The following MPHOSPH9 variants were observed in gnomAD, a reference collection of about 807,000 sequenced individuals.
MPHOSPH9 encodes M-phase phosphoprotein 9.
A neutral mutation model predicts 145.5 loss-of-function variants in MPHOSPH9; 88 were observed. That is an observed-to-expected ratio of 0.60 (90% confidence interval 0.51 to 0.72). MPHOSPH9 has a LOEUF of 0.72. Ranked by LOEUF, MPHOSPH9 falls within the 30% of genes least tolerant of loss-of-function variation. MPHOSPH9 has a pLI of 0.00. For synonymous variants in MPHOSPH9, 435 were observed against 486.2 expected (o/e 0.89, Z 1.39); for missense variants, 1,238 against 1,386.6 (o/e 0.89, Z 1.70).
At chr12:123,197,940 T>C (rs1277511027) in intron 12 of MPHOSPH9, among the ~76,000 whole-genome samples, 8 of 151,082 alleles carry the variant, frequency 5.3e-5, no homozygotes, top group East Asian at 2.0e-4. Flanking sequence ...AAAAATTAGC[T>C]GGGCGTGGTG....
At chr12:123,168,978 G>A (rs2044450514) in intron 16 of MPHOSPH9, among the ~76,000 whole-genome samples, 1 of 150,980 alleles carries the variant, frequency 6.6e-6, no homozygotes, top group African/African-American at 2.4e-5. Flanking sequence ...TCTGCCTCTT[G>A]GGTTCACACC....
intron 18 of MPHOSPH9, among the ~76,000 whole-genome samples, chr12:123,164,776 A>C (rs1413145174): frequency 6.6e-6 from 1 of 152,190 alleles, no homozygotes; most frequent in South Asian, 2.1e-4. Flanking sequence ...GTGGAGGACA[A>C]GGCGGGTGGA....
At chr12:123,215,992 C>T (rs2046938845) in intron 6 of MPHOSPH9, among the ~76,000 whole-genome samples, 1 of 152,134 alleles carries the variant, frequency 6.6e-6, no homozygotes, top group Non-Finnish European at 1.5e-5. Context: ...AATCCCAGCA[C>T]TTTGGGAGGC....
intron 16 of MPHOSPH9, among the ~76,000 whole-genome samples, chr12:123,175,313 G>C (rs1444566193): frequency 6.6e-6 from 1 of 152,054 alleles, no homozygotes; most frequent in Non-Finnish European, 1.5e-5. Context: ...ACCGCGCCCG[G>C]CTAATTTTTT....
chr12:123,182,182 G>A (rs1275444530), intron 13 of MPHOSPH9, among the ~76,000 whole-genome samples: 2 of 149,964 alleles, frequency 1.3e-5, no homozygotes, highest in Admixed American at 6.6e-5. Flanking sequence ...CTCATGATCC[G>A]CCCGCCTCAG....
chr12:123,204,081 T>A (rs1429259339), intron 8 of MPHOSPH9, among the ~76,000 whole-genome samples: 3 of 152,148 alleles, frequency 2.0e-5, no homozygotes, highest in Middle Eastern at 6.8e-3. Flanking sequence ...AGGTGAGTGA[T>A]CACTTGAAGT....
intron 17 of MPHOSPH9, 71 bp from the exon 18 acceptor site, chr12:123,165,548 CA>C (rs2044282706): frequency 2.2e-6 from 3 of 1,341,572 alleles, no homozygotes; most frequent in African/African-American, 2.9e-5. Context: ...GCCCCCACAC[CA>C]AACATACATG....
At chr12:123,176,660 T>C in intron 16 of MPHOSPH9, 28 bp downstream of exon 16, 1 of 1,531,806 alleles carries the variant, frequency 6.5e-7, no homozygotes, top group Non-Finnish European at 9.0e-7. Context: ...TATTTCTAGC[T>C]TTATAGAGAG....
rs372894311 is a variant in MPHOSPH9 at position 123,198,216 on chromosome 12, C to A, written c.2025+31G>T. ...ATCACGAAATAATTCATTTGTCTCACCAGAACACCCACCAAAAAAAGAGTA... is the reference window on the plus strand; with the variant it reads ...ATCACGAAATAATTCATTTGTCTCAACAGAACACCCACCAAAAAAAGAGTA... On this transcript the variant is annotated intron_variant, in intron 12 of 23. Transcript: ENST00000606320. 7.7e-5 allele frequency: 116 copies of A among 1,500,340 alleles called. 1 individual carries two copies. Among genetic ancestry groups the A allele is most frequent in the Admixed American group, 1.9e-4 (11 of 56,448 alleles). The allele number at this position is 1,500,340 out of a possible 1,614,324, so 92.9% of individuals were successfully genotyped here.
chr12:123,181,121 T>G (rs1203763303), intron 14 of MPHOSPH9, 42 bp downstream of exon 14: 2 of 1,547,260 alleles, frequency 1.3e-6, no homozygotes, highest in African/African-American at 2.7e-5. Context: ...CCAATGTTTC[T>G]GCCTCTGCAT....
rs770517594 is a variant in MPHOSPH9 at position 123,202,998 on chromosome 12, A to G, written c.1407T>C (p.Asp469=). ...AGTCCGGGGAAAAGGATATTCTGTC[A>G]TCAAGGGCATTCGGAAGGCCGTGAG... ...IQPHGLPNAL[D]DRISFSPDSV... Residue 469 remains aspartate, a synonymous_variant, in exon 10 of 24, where the codon GAT becomes GAC. Coordinates refer to ENST00000606320, the MANE Select transcript of MPHOSPH9 (RefSeq NM_022782.4). The G allele has an allele frequency of 4.3e-6, 7 of 1,614,226 alleles. No individual in the cohort carries two copies. In the South Asian group the frequency reaches 7.7e-5, roughly 18 times the overall value.
chr12:123,176,071 C>A (rs1314728919), intron 16 of MPHOSPH9, among the ~76,000 whole-genome samples: 1 of 151,894 alleles, frequency 6.6e-6, no homozygotes, highest in African/African-American at 2.4e-5. Flanking sequence ...CAACTTGGGT[C>A]ACAAATTACA....
Position 123,163,944 on chromosome 12 carries a change from T to G in MPHOSPH9, c.2908+6A>C. 1 of 1,614,038 alleles carries G rather than the reference T, an allele frequency of 6.2e-7. No individual in the cohort carries two copies. Among genetic ancestry groups the G allele is most frequent in the Non-Finnish European group, 8.5e-7 (1 of 1,179,964 alleles). On this transcript the variant is annotated splice_donor_region_variant and intron_variant, in intron 19 of 23. Coordinates refer to ENST00000606320, the MANE Select transcript of MPHOSPH9 (RefSeq NM_022782.4). ...AACCCAAGAGATGTACACATCTAAC[T>G]CTTACTTGGAGTACTTGATTTACGA... is the stretch of plus-strand genomic sequence containing the variant.
At chr12:123,212,540 T>C (rs2046773186) in intron 7 of MPHOSPH9, among the ~76,000 whole-genome samples, 1 of 151,744 alleles carries the variant, frequency 6.6e-6, no homozygotes, top group Admixed American at 6.6e-5. Flanking sequence ...AAACTCTATC[T>C]CTACTAAAAA....
Position 123,166,573 on chromosome 12 carries a change from G to A in MPHOSPH9, c.2591+82C>T, listed in dbSNP as rs1206882354. 5.4e-6 allele frequency: 8 copies of A among 1,476,458 alleles called. No individual in the cohort carries two copies. The African/African-American group carries it at 1.1e-4, about 21-fold the overall frequency. 91.5% of individuals were successfully genotyped at this position (1,476,458 alleles called of 1,614,324 possible). A position where few individuals can be genotyped will look rare whatever the true frequency, so the allele number is the denominator to read the frequency against. ...AAGACATTAAAGAACCAAAGAGAGG[G>A]CTTCCCAAACTTTTAAAAGCAATTG... On this transcript the variant is annotated intron_variant, in intron 17 of 23. Coordinates refer to ENST00000606320, the MANE Select transcript of MPHOSPH9 (RefSeq NM_022782.4).
rs1311569274 is a variant in MPHOSPH9 at position 123,203,351 on chromosome 12, G to C, written c.1219C>G (p.Leu407Val). The C allele has an allele frequency of 6.2e-7, 1 of 1,607,704 alleles. No individual in the cohort carries two copies. Among genetic ancestry groups the C allele is most frequent in the Non-Finnish European group, 8.5e-7 (1 of 1,174,884 alleles). ...TAATAAATATCCTTCAGTGACGGTA[G>C]CTTCATCTCATTACTAGTATTAGAC... The part of the protein sequence containing the change: ...NQSNTSNEMK[L>V]PSLKDIYYKK... The change falls in exon 9 of 24, where the codon CTA (leucine) becomes GTA (valine). Residue 407 changes from leucine (L) to valine (V), a missense_variant. Around this residue, in one of 3 missense-constraint regions of MPHOSPH9, gnomAD observed 837 missense variants for 897.5 expected, o/e 0.93. Transcript: ENST00000606320.
At chr12:123,203,538 G>C (rs950980146) in intron 8 of MPHOSPH9, among the ~76,000 whole-genome samples, 163 bp from the exon 9 acceptor site, 3 of 152,156 alleles carry the variant, frequency 2.0e-5, no homozygotes, top group African/African-American at 7.2e-5. Context: ...CTAGTATGAT[G>C]AGTCTACCTC....
intron 1 of MPHOSPH9, among the ~76,000 whole-genome samples, chr12:123,239,055 G>C (rs2047891932): frequency 6.6e-6 from 1 of 152,210 alleles, no homozygotes; most frequent in South Asian, 2.1e-4. Flanking sequence ...CAGATCGCTT[G>C]AGTTTGAGTT....
chr12:123,152,467 G>A (rs1409710257), downstream of MPHOSPH9: 2 of 422,558 alleles, frequency 4.7e-6, no homozygotes, highest in Non-Finnish European at 9.6e-6. Context: ...CCCACCAGCA[G>A]CACTGTAAAA....
Sources: gnomAD v4.1 joint callset for allele counts (sites outside exome capture counted in the v4.1 genomes callset) on GRCh38, gnomAD v4.1.1 for gene constraint, gnomAD v4.1.1 regional missense constraint, MANE v1.5 for transcripts, NCBI Gene and HGNC (gene_info 2026-07-23, HGNC 2026-07-21) for gene names.